Variants in KLRG1 observed in about 807,000 individuals in gnomAD.
KLRG1 encodes killer cell lectin-like receptor subfamily G member 1.
In KLRG1, 16 loss-of-function variants were observed where a neutral mutation model predicts 21.8. That is an observed-to-expected ratio of 0.73 (90% CI 0.50 to 1.11). KLRG1 has a LOEUF of 1.11. Among genes scored for constraint, KLRG1 ranks in the 50% most tolerant of loss-of-function variants. KLRG1 has a pLI of 0.00. For missense variants in KLRG1, 173 were observed against 218.3 expected (o/e 0.79, Z 1.31); for synonymous variants, 69 against 75.9 (o/e 0.91, Z 0.47).
chr12:9,149,092 C>A, the KLRG1 span: 26 of 1,107,678 alleles, frequency 2.3e-5, no homozygotes, highest in Non-Finnish European at 3.6e-5. Context: ...GGTCAGGAAA[C>A]TTTGTGAAAG....
chr12:9,034,479 C>T, the KLRG1 span, among the ~76,000 whole-genome samples: 2 of 151,626 alleles, frequency 1.3e-5, no homozygotes, highest in African/African-American at 4.9e-5. Flanking sequence ...GAGTTTCACT[C>T]TTGTCACCCA....
At chr12:9,088,389 A>G in the KLRG1 span, among the ~76,000 whole-genome samples, 2 of 152,196 alleles carry the variant, frequency 1.3e-5, no homozygotes, top group African/African-American at 4.8e-5. Flanking sequence ...CAAAATGAGT[A>G]ACTCAGAAAC....
At chr12:9,200,551 T>C in the KLRG1 span, 3 of 893,664 alleles carry the variant, frequency 3.4e-6, no homozygotes, top group East Asian at 7.7e-5. Context: ...ACACTCTGAA[T>C]GTTAGATTTA....
chr12:9,118,180 G>A, the KLRG1 span, among the ~76,000 whole-genome samples: 1 of 152,206 alleles, frequency 6.6e-6, no homozygotes, highest in East Asian at 1.9e-4. Context: ...GAGGCTGGTG[G>A]TTGTTTCCTG....
the KLRG1 span, chr12:9,098,478 G>C: frequency 2.1e-6 from 2 of 955,000 alleles, no homozygotes; most frequent in East Asian, 5.8e-5. Context: ...GCCCACAAGA[G>C]AGCTCAAAGC....
At chr12:9,197,985 T>C in the KLRG1 span, among the ~76,000 whole-genome samples, 1 of 135,972 alleles carries the variant, frequency 7.4e-6, no homozygotes, top group South Asian at 2.1e-4. Context: ...ATATATATTA[T>C]ATATATATTT....
At chr12:9,168,692 C>T in the KLRG1 span, 1 of 515,074 alleles carries the variant, frequency 1.9e-6, no homozygotes, top group Non-Finnish European at 3.4e-6. Flanking sequence ...AAAAAAAAAT[C>T]TCTGATCAGT....
the KLRG1 span, among the ~76,000 whole-genome samples, chr12:9,204,278 C>A: frequency 6.6e-6 from 1 of 152,104 alleles, no homozygotes; most frequent in Non-Finnish European, 1.5e-5. Context: ...AATCTGAATT[C>A]TTGAATATAT....
the KLRG1 span, among the ~76,000 whole-genome samples, chr12:9,075,232 A>G: frequency 6.6e-6 from 1 of 152,250 alleles, no homozygotes; most frequent in Non-Finnish European, 1.5e-5. Context: ...AATCCTTGAA[A>G]TACCAAAGGC....
chr12:9,117,288 G>T, the KLRG1 span, among the ~76,000 whole-genome samples: 3 of 152,102 alleles, frequency 2.0e-5, no homozygotes, highest in African/African-American at 7.2e-5. Context: ...TTCCTGGAAA[G>T]CTTGCTCTTA....
the KLRG1 span, chr12:9,068,975 T>C: frequency 1.8e-6 from 1 of 571,410 alleles, no homozygotes; most frequent in African/African-American, 1.9e-5. Context: ...CTTAATTAAA[T>C]TGTGCAGAAA....
chr12:9,070,438 A>G, the KLRG1 span: 2 of 1,200,900 alleles, frequency 1.7e-6, no homozygotes, highest in South Asian at 1.3e-5. Context: ...TGCTGGGGAT[A>G]CATACATCAT....
At chr12:9,186,395 C>T in the KLRG1 span, among the ~76,000 whole-genome samples, 32 of 152,114 alleles carry the variant, frequency 2.1e-4, no homozygotes, top group Non-Finnish European at 2.8e-4. Context: ...TTCAAATTCA[C>T]GCATCTCAAT....
At chr12:9,044,683 A>G in the KLRG1 span, among the ~76,000 whole-genome samples, 1 of 151,824 alleles carries the variant, frequency 6.6e-6, no homozygotes, top group Non-Finnish European at 1.5e-5. Context: ...CAAAAAAAAA[A>G]CCCCAAACAA....
chr12:9,169,537 G>T, the KLRG1 span: 2 of 1,612,816 alleles, frequency 1.2e-6, no homozygotes, highest in Non-Finnish European at 1.7e-6. Flanking sequence ...TCCTCCTGCT[G>T]GTCCACATTG....
At chr12:9,152,756 C>A in the KLRG1 span, 1 of 1,499,874 alleles carries the variant, frequency 6.7e-7, no homozygotes, top group Non-Finnish European at 9.1e-7. Flanking sequence ...TCCAAATGGA[C>A]TATTAATTTC....
At chr12:9,130,424 G>T in the KLRG1 span, among the ~76,000 whole-genome samples, 5 of 151,984 alleles carry the variant, frequency 3.3e-5, no homozygotes, top group Non-Finnish European at 5.9e-5. Flanking sequence ...CTGCGCACAA[G>T]GGTTTCAATT....
At chr12:9,007,214 C>T (rs774259003) in intron 3 of KLRG1, among the ~76,000 whole-genome samples, 1 of 152,254 alleles carries the variant, frequency 6.6e-6, no homozygotes, top group African/African-American at 2.4e-5. Context: ...CTTTTCTCTC[C>T]TGTAGTGTCT....
the KLRG1 span, among the ~76,000 whole-genome samples, chr12:9,187,679 G>A: frequency 2.6e-5 from 4 of 152,288 alleles, no homozygotes; most frequent in Admixed American, 1.3e-4. Context: ...CACAGCTAAG[G>A]CGGTGTTAAG....
Sources: allele counts gnomAD v4.1 joint callset (sites outside exome capture counted in the v4.1 genomes callset), GRCh38; gene constraint gnomAD v4.1.1; transcripts MANE v1.5; gene names NCBI Gene and HGNC (gene_info 2026-07-23, HGNC 2026-07-21).